Variants in AGAP1 observed in about 807,000 individuals in gnomAD.
AGAP1 encodes the protein arf-GAP with GTPase, ANK repeat and PH domain-containing protein 1.
In AGAP1, 29 loss-of-function variants were observed where a neutral mutation model predicts 105.3. The ratio of observed to expected loss-of-function variants is 0.28; its 90% CI spans 0.21 to 0.38. The LOEUF is 0.38. Ranked by LOEUF, AGAP1 falls within the 10% of genes least tolerant of loss-of-function variation. AGAP1 has a pLI of 1.00. For synonymous variants in AGAP1, 509 were observed against 485.9 expected, an observed-to-expected ratio of 1.05 and a Z score of -0.63; for missense variants, 998 against 1,165.1, an observed-to-expected ratio of 0.86 and a Z score of 2.09.
chr2:236,069,467 A>C (rs2058440664), intron 16 of AGAP1, among the ~76,000 whole-genome samples: 1 of 152,220 alleles, frequency 6.6e-6, no homozygotes, highest in South Asian at 2.1e-4. Context: ...TCTGTCACCC[A>C]GTCTGGAGTG....
At chr2:235,742,751 T>C (rs377026973) in intron 4 of AGAP1, among the ~76,000 whole-genome samples, 11 of 152,222 alleles carry the variant, frequency 7.2e-5, no homozygotes, top group South Asian at 2.1e-4. Context: ...ATCACCTGAG[T>C]TGATTTTCCG....
Position 235,712,442 on chromosome 2 carries a change from A to G in AGAP1, c.222+3205A>G, listed in dbSNP as rs1035249597. ...ACAGCAAAAGCTTGATGCTTCTGTC[A>G]GAGGGGAAGGCACATAGGCTCTGGA... On this transcript the variant is annotated intron_variant, in intron 2 of 17. Coordinates refer to ENST00000304032, the MANE Select transcript of AGAP1 (RefSeq NM_001037131.3). This position sits in a 1 kb window ranked among gnomAD's most constrained non-coding sequence, Gnocchi z 6.0. 7.2e-5 allele frequency among the ~76,000 whole-genome samples: 11 copies of G among 152,252 alleles called. No individual in the cohort carries two copies. The highest frequency in any genetic ancestry group is 1.3e-4 in the Non-Finnish European group (9 of 68,054).
In AGAP1 at chr2:235,874,612, G is replaced by C. The variant is rs919504023; in HGVS notation, c.1051-8733G>C. 2.0e-5 allele frequency among the ~76,000 whole-genome samples: 3 copies of C among 152,306 alleles called. No individual in the cohort carries two copies. Among genetic ancestry groups the C allele is most frequent in the South Asian group, 4.1e-4 (2 of 4,820 alleles). On this transcript the variant is annotated intron_variant, in intron 9 of 17. Transcript: ENST00000304032. The surrounding 1 kb of genome is among the most constrained non-coding windows in gnomAD (Gnocchi z 4.5). ...GGGACTGGAGTGAGCTCAAGATTCT[G>C]TGCAGGCCTCACTTGGATCAGCTGC... is the stretch of plus-strand genomic sequence containing the variant.
chr2:235,989,037 T>G lies in AGAP1; in HGVS notation c.1645+20414T>G, dbSNP rs1240330458. On this transcript the variant is annotated intron_variant, in intron 13 of 17. Transcript: ENST00000304032. This position sits in a 1 kb window ranked among gnomAD's most constrained non-coding sequence, Gnocchi z 4.4. ...TGGCCAATAATGTGGAGTCTTTTGG[T>G]TTTTCTGTTCTTCAGAGTTTGCATC... 6.6e-6 allele frequency among the ~76,000 whole-genome samples: 1 copy of G among 152,136 alleles called. No homozygotes were observed. The highest frequency in any genetic ancestry group is 1.5e-5 in the Non-Finnish European group (1 of 68,014).
intron 13 of AGAP1, among the ~76,000 whole-genome samples, chr2:235,998,985 A>G (rs74211455): frequency 0.01 from 1,490 of 143,122 alleles, 34 homozygotes; most frequent in African/African-American, 0.037. Flanking sequence ...GTGACGGGGT[A>G]GTGGTGGTGA....
chr2:235,685,486 G>T (rs1949330083), intron 1 of AGAP1, among the ~76,000 whole-genome samples: 1 of 151,128 alleles, frequency 6.6e-6, no homozygotes, highest in African/African-American at 2.4e-5. Flanking sequence ...GTTTTCAGTG[G>T]CTGCCAGCAG....
Position 235,618,601 on chromosome 2 carries a change from G to T in AGAP1, c.164-90578G>T, listed in dbSNP as rs949538775. Among the ~76,000 whole-genome samples the T allele has an allele frequency of 4.6e-5, 7 of 152,062 alleles. No homozygotes were observed. In the East Asian group the frequency reaches 1.2e-3, roughly 25 times the overall value. On this transcript the variant is annotated intron_variant, in intron 1 of 17. Coordinates refer to ENST00000304032, the MANE Select transcript of AGAP1 (RefSeq NM_001037131.3). ...TTAGTTATTTTATCTTTTTATTAAG[G>T]TCCATTTTTAAGCTTATATTTAAAT...
At chr2:235,797,599 A>T in intron 6 of AGAP1, among the ~76,000 whole-genome samples, 160 bp from the exon 7 acceptor site, 1 of 152,104 alleles carries the variant, frequency 6.6e-6, no homozygotes, top group South Asian at 2.1e-4. Context: ...GGCAAATGTC[A>T]TGTTTATTCT....
At chr2:235,921,717 A>G (rs1187484836) in intron 11 of AGAP1, among the ~76,000 whole-genome samples, 1 of 152,220 alleles carries the variant, frequency 6.6e-6, no homozygotes, top group Non-Finnish European at 1.5e-5. Context: ...ATCAAGAAAC[A>G]CCAGATTTGT....
At position 235,908,833 on chromosome 2, in the gene AGAP1, C is replaced by T. The variant is rs765720922; in HGVS notation, c.1251C>T (p.Cys417=). The T allele has an allele frequency of 1.5e-5, 24 of 1,613,928 alleles. No individual in the cohort carries two copies. The highest frequency in any genetic ancestry group is 1.9e-5 in the Non-Finnish European group (23 of 1,180,020). Residue 417 remains cysteine (C), a synonymous_variant, in exon 11 of 18, where the codon TGC becomes TGT. Coordinates refer to ENST00000304032, the MANE Select transcript of AGAP1 (RefSeq NM_001037131.3). This position sits in a 1 kb window ranked among gnomAD's most constrained non-coding sequence, Gnocchi z 4.4. ...GKRPPRATSA[C]APISSPKTNG... ...GGCCACCCCGAGCCACGTCAGCCTG[C>T]GCACCCATCTCCAGCCCTAAAACCA...
chr2:235,810,435 G>A (rs1174051480), intron 9 of AGAP1, among the ~76,000 whole-genome samples: 1 of 152,302 alleles, frequency 6.6e-6, no homozygotes, highest in African/African-American at 2.4e-5. Context: ...CCAGCAACCT[G>A]CGTGGAGTTG....
In AGAP1 at chr2:236,130,079, C is replaced by G. The variant is rs1348870885; in HGVS notation, c.*5957C>G. On this transcript the variant is annotated 3_prime_UTR_variant, in exon 18 of 18. Transcript: ENST00000304032. The surrounding 1 kb of genome is among the most constrained non-coding windows in gnomAD (Gnocchi z 5.8). Reference sequence around the variant, plus strand: ...GGCCAGAGTGGCCAGCAGAGACTTGCATGGGCTCTGAAAGCCCCAGAGCTC... The same window carrying G: ...GGCCAGAGTGGCCAGCAGAGACTTGGATGGGCTCTGAAAGCCCCAGAGCTC... 5 of 152,282 alleles carry G rather than the reference C, an allele frequency of 3.3e-5. No homozygotes were observed. Among genetic ancestry groups the G allele is most frequent in the African/African-American group, 4.8e-5 (2 of 41,460 alleles). 9.4% of individuals were successfully genotyped at this position (152,282 alleles called of 1,614,324 possible).
Position 236,066,417 on chromosome 2 carries a change from G to A in AGAP1, c.2114+17136G>A, listed in dbSNP as rs376657438. Among the ~76,000 whole-genome samples the A allele has an allele frequency of 1.4e-4, 21 of 152,168 alleles. No individual in the cohort carries two copies. In the East Asian group the frequency reaches 3.9e-3, roughly 28 times the overall value. ...ATTTTCGTATTTTTAGTAGAGATGG[G>A]GTTTCGCCATGTTGGCCAGACTGGT... On this transcript the variant is annotated intron_variant, in intron 16 of 17. Coordinates refer to ENST00000304032, the MANE Select transcript of AGAP1 (RefSeq NM_001037131.3).
At chr2:235,953,000 C>T (rs1011869273) in intron 12 of AGAP1, among the ~76,000 whole-genome samples, 1 of 152,220 alleles carries the variant, frequency 6.6e-6, no homozygotes, top group Admixed American at 6.5e-5. Flanking sequence ...AGGACCCATA[C>T]AGCCTCTTTC....
rs371607106 is a variant in AGAP1, at chr2:235,968,455, A to G, written c.1484-7A>G. On this transcript the variant is annotated splice_polypyrimidine_tract_variant and splice_region_variant and intron_variant, in intron 12 of 17. Coordinates refer to ENST00000304032, the MANE Select transcript of AGAP1 (RefSeq NM_001037131.3). Reference sequence around the variant, plus strand: ...TTTTTTTTTTGCCTTTTCCGGTCCAATGGCAGACACAGGGCTGGGTGACTC... The same window carrying G: ...TTTTTTTTTTGCCTTTTCCGGTCCAGTGGCAGACACAGGGCTGGGTGACTC... 54 of 1,554,072 alleles carry G rather than the reference A, an allele frequency of 3.5e-5. No homozygotes were observed. The highest frequency in any genetic ancestry group is 1.9e-4 in the African/African-American group (13 of 69,436).
At chr2:235,616,831 A>G (rs1187155124) in intron 1 of AGAP1, among the ~76,000 whole-genome samples, 1 of 152,222 alleles carries the variant, frequency 6.6e-6, no homozygotes, top group Admixed American at 6.5e-5. Context: ...GTAGCCTAAC[A>G]CTTAGGAAAC....
At position 236,036,040 on chromosome 2, in the gene AGAP1, C is replaced by T. The variant is rs1384699677; in HGVS notation, c.1646-521C>T. ...CCTAAGGCACGCGGGATCCCATGCA[C>T]TCTCCCTGTCTGAAAACGTGGGAAT... On this transcript the variant is annotated intron_variant, in intron 13 of 17. Coordinates refer to ENST00000304032, the MANE Select transcript of AGAP1 (RefSeq NM_001037131.3). The surrounding 1 kb of genome is among the most constrained non-coding windows in gnomAD (Gnocchi z 5.7). 6.6e-6 allele frequency among the ~76,000 whole-genome samples: 1 copy of T among 152,066 alleles called. No individual in the cohort carries two copies. The highest frequency in any genetic ancestry group is 1.5e-5 in the Non-Finnish European group (1 of 68,010).
rs1946814299 is a variant in AGAP1, at chr2:235,631,059, G to A, written c.164-78120G>A. On this transcript the variant is annotated intron_variant, in intron 1 of 17. Coordinates refer to ENST00000304032, the MANE Select transcript of AGAP1 (RefSeq NM_001037131.3). The surrounding 1 kb of genome is among the most constrained non-coding windows in gnomAD (Gnocchi z 5.4). ...TGGCCTGTCAAAAATATTTTGACAG[G>A]GCCCACAGTCTAGCTCCTTCATATG... Among the ~76,000 whole-genome samples the A allele has an allele frequency of 6.6e-6, 1 of 152,136 alleles. No homozygotes were observed. The highest frequency in any genetic ancestry group is 2.4e-5 in the African/African-American group (1 of 41,432).
intron 9 of AGAP1, among the ~76,000 whole-genome samples, chr2:235,871,356 A>G (rs535743220): frequency 3.9e-5 from 6 of 152,186 alleles, no homozygotes; most frequent in African/African-American, 9.7e-5. Context: ...TGGCATGGCA[A>G]TCTGGTAGCT....
Sources: allele counts gnomAD v4.1 joint callset (sites outside exome capture counted in the v4.1 genomes callset), GRCh38; gene constraint gnomAD v4.1.1; non-coding constraint Gnocchi (gnomAD v3.1); transcripts MANE v1.5; gene names NCBI Gene and HGNC (gene_info 2026-07-23, HGNC 2026-07-21).